The following KCNH8 variants were observed in gnomAD, a reference collection of about 807,000 sequenced individuals.
KCNH8 encodes the protein potassium voltage-gated channel subfamily H member 8, also known as voltage-gated delayed rectifier potassium channel KCNH8.
A neutral mutation model predicts 103.6 loss-of-function variants in KCNH8; 70 were observed. The observed-to-expected ratio is 0.68, with a 90% confidence interval of 0.56 to 0.82. The LOEUF is 0.82. KCNH8 is among the 40% of genes least tolerant of loss of function. KCNH8 has a pLI of 0.00. For synonymous variants in KCNH8, 498 were observed against 489.4 expected, an observed-to-expected ratio of 1.02 and a Z score of -0.23; for missense variants, 1,217 against 1,329.9, an observed-to-expected ratio of 0.92 and a Z score of 1.32.
intron 2 of KCNH8, among the ~76,000 whole-genome samples, chr3:19,260,528 A>ATG (rs2064419307): frequency 7.9e-6 from 1 of 127,252 alleles, no homozygotes; most frequent in African/African-American, 3.2e-5. Flanking sequence ...ATATATATAT[A>ATG]TATATAGTAA....
intron 1 of KCNH8, among the ~76,000 whole-genome samples, chr3:19,169,196 T>C (rs544978088): frequency 1.3e-5 from 2 of 152,176 alleles, no homozygotes; most frequent in South Asian, 2.1e-4. Context: ...GACCTGCCTC[T>C]TAGAAACTCC....
chr3:19,289,403 T>C (rs536572529), intron 3 of KCNH8, among the ~76,000 whole-genome samples: 1 of 152,326 alleles, frequency 6.6e-6, no homozygotes, highest in Non-Finnish European at 1.5e-5. Flanking sequence ...AATTTTTGTG[T>C]AAGGTGTAAG....
chr3:19,403,158 G>T (rs1390097171), intron 7 of KCNH8, among the ~76,000 whole-genome samples: 1 of 151,134 alleles, frequency 6.6e-6, no homozygotes, highest in Non-Finnish European at 1.5e-5. Flanking sequence ...AATCCACTTG[G>T]GGTTTGGTTT....
intron 5 of KCNH8, among the ~76,000 whole-genome samples, chr3:19,381,517 T>C (rs2066287825): frequency 6.6e-6 from 1 of 152,130 alleles, no homozygotes; most frequent in African/African-American, 2.4e-5. Context: ...TGTGAAAATA[T>C]AGCACAATTC....
chr3:19,274,937 A>G (rs1233752924), intron 2 of KCNH8, among the ~76,000 whole-genome samples: 2 of 140,306 alleles, frequency 1.4e-5, no homozygotes, highest in African/African-American at 5.4e-5. Flanking sequence ...CTGACTTAAC[A>G]TAGCACTTTT....
rs1395138374 is a variant in KCNH8, at chr3:19,395,143, C to A, written c.1009C>A (p.Arg337Ser). 2 of 1,611,370 alleles carry A rather than the reference C, an allele frequency of 1.2e-6. No individual in the cohort carries two copies. Among genetic ancestry groups the A allele is most frequent in the Middle Eastern group, 1.7e-4 (1 of 5,944 alleles). The change falls in exon 7 of 16, where the codon CGT (arginine) becomes AGT (serine). Residue 337 changes from arginine (R) to serine (S), a missense_variant. Arg to Ser is a moderately radical substitution (Grantham distance 110, BLOSUM62 -1). Around this residue, in one of 3 missense-constraint regions of KCNH8, gnomAD observed 415 missense variants for 577.4 expected, o/e 0.72. Transcript: ENST00000328405. ...TCTTCTAAAGACAGTGCGCCTCTTGCGTCTTTTGCGTCTGCTGCAGAAGTT... is the reference window on the plus strand; with the variant it reads ...TCTTCTAAAGACAGTGCGCCTCTTGAGTCTTTTGCGTCTGCTGCAGAAGTT... ...VHLLKTVRLL[R>S]LLRLLQKLDR...
chr3:19,274,288 T>C (rs998446730), intron 2 of KCNH8, among the ~76,000 whole-genome samples: 6 of 152,158 alleles, frequency 3.9e-5, no homozygotes, highest in African/African-American at 1.4e-4. Flanking sequence ...AATTTAAATA[T>C]AATACATGCA....
At chr3:19,150,269 G>A (rs2063115824) in intron 1 of KCNH8, among the ~76,000 whole-genome samples, 1 of 151,960 alleles carries the variant, frequency 6.6e-6, no homozygotes, top group Admixed American at 6.6e-5. Flanking sequence ...AATCACCACT[G>A]CTGTGTTTTA....
rs575355221 is a variant in KCNH8 at position 19,168,300 on chromosome 3, T to C, written c.76+19505T>C. On this transcript the variant is annotated intron_variant, in intron 1 of 15. Transcript: ENST00000328405. ...GCTCAGTCTCCCAAAGTGCTGGGATTACAGGTGTGAGCCACCGCGCCCGGC... is the reference window on the plus strand; with the variant it reads ...GCTCAGTCTCCCAAAGTGCTGGGATCACAGGTGTGAGCCACCGCGCCCGGC... 2.0e-5 allele frequency among the ~76,000 whole-genome samples: 3 copies of C among 152,286 alleles called. No homozygotes were observed. The East Asian group carries it at 5.8e-4, about 29-fold the overall frequency.
intron 2 of KCNH8, among the ~76,000 whole-genome samples, chr3:19,271,419 TATG>T (rs1461267145): frequency 1.3e-5 from 2 of 152,140 alleles, no homozygotes; most frequent in Admixed American, 6.5e-5. Flanking sequence ...TAAAGTGGAG[TATG>T]ATATGTGTTT....
chr3:19,504,389 A>G (rs897801267), intron 11 of KCNH8, among the ~76,000 whole-genome samples: 1 of 152,216 alleles, frequency 6.6e-6, no homozygotes, highest in African/African-American at 2.4e-5. Flanking sequence ...CACTATCAAC[A>G]AACAGCCTAC....
At chr3:19,471,465 G>A (rs2067854407) in intron 11 of KCNH8, among the ~76,000 whole-genome samples, 1 of 152,144 alleles carries the variant, frequency 6.6e-6, no homozygotes, top group Admixed American at 6.6e-5. Flanking sequence ...GAGTTCTTCT[G>A]CAGGCTGGGT....
chr3:19,439,422 G>A (rs1194779181), intron 8 of KCNH8, among the ~76,000 whole-genome samples: 20 of 152,136 alleles, frequency 1.3e-4, no homozygotes, highest in Admixed American at 1.3e-3. Context: ...CTCATAGATG[G>A]CAAACGTGAG....
At chr3:19,332,695 C>T (rs1005925202) in intron 3 of KCNH8, among the ~76,000 whole-genome samples, 15 of 152,000 alleles carry the variant, frequency 9.9e-5, no homozygotes, top group African/African-American at 3.4e-4. Flanking sequence ...GACAGTGGCA[C>T]GATCTCAGCT....
intron 7 of KCNH8, among the ~76,000 whole-genome samples, chr3:19,404,870 G>T (rs888181241): frequency 6.6e-6 from 1 of 151,614 alleles, no homozygotes; most frequent in Non-Finnish European, 1.5e-5. Context: ...GCTTAATTAT[G>T]CATACTTATG....
At chr3:19,405,709 G>A (rs1017123358) in intron 7 of KCNH8, among the ~76,000 whole-genome samples, 7 of 151,858 alleles carry the variant, frequency 4.6e-5, no homozygotes, top group Non-Finnish European at 1.0e-4. Context: ...TTAACCTGGA[G>A]GTTGGGAATA....
rs1574984716 is a variant in KCNH8 at position 19,375,004 on chromosome 3, G to T, written c.812-15477G>T. On this transcript the variant is annotated intron_variant, in intron 5 of 15. Transcript: ENST00000328405. ...TTAGTCTGATGGGCTTCCCTTTGAG[G>T]GTAACCTGACCTTTCTCTCTGGCTG... Among the ~76,000 whole-genome samples the T allele has an allele frequency of 2.0e-5, 3 of 151,754 alleles. No individual in the cohort carries two copies. In the South Asian group the frequency reaches 6.3e-4, roughly 32 times the overall value.
intron 3 of KCNH8, among the ~76,000 whole-genome samples, chr3:19,340,317 T>A (rs1272929237): frequency 6.6e-6 from 1 of 151,714 alleles, no homozygotes; most frequent in African/African-American, 2.4e-5. Flanking sequence ...TTGCAATAAT[T>A]GTGACATAGA....
chr3:19,240,640 C>T (rs925169751), intron 1 of KCNH8, among the ~76,000 whole-genome samples: 4 of 151,080 alleles, frequency 2.6e-5, no homozygotes, highest in East Asian at 1.9e-4. Flanking sequence ...AAAAAAACTT[C>T]GGAATCTATT....
Sources: allele counts gnomAD v4.1 joint callset (sites outside exome capture counted in the v4.1 genomes callset), GRCh38; gene constraint gnomAD v4.1.1; regional missense constraint gnomAD v4.1.1; transcripts MANE v1.5; gene names NCBI Gene and HGNC (gene_info 2026-07-23, HGNC 2026-07-21).